Variants in TAF5 observed in about 807,000 individuals in gnomAD.
TAF5 encodes the protein TATA-box binding protein associated factor 5, also known as transcription initiation factor TFIID subunit 5.
Under a neutral mutation model 80.9 loss-of-function variants are expected in TAF5, and 20 were observed. That is an observed-to-expected ratio of 0.25 (90% confidence interval 0.17 to 0.36). TAF5 has a LOEUF of 0.36. TAF5 is among the 10% of genes least tolerant of loss of function. TAF5 has a pLI of 1.00. For synonymous variants in TAF5, 388 were observed against 406.4 expected (o/e 0.95, Z 0.55); for missense variants, 863 against 1,029.4 (o/e 0.84, Z 2.21).
chr10:103,373,646 T>C (rs11191669), intron 2 of TAF5, 51 bp downstream of exon 2: 10 of 1,355,838 alleles, frequency 7.4e-6, no homozygotes, highest in African/African-American at 5.9e-5. Context: ...AGTGTGTGTG[T>C]GTGCGTGCAT....
At chr10:103,372,186 C>T (rs1442785951) in intron 1 of TAF5, among the ~76,000 whole-genome samples, 1 of 151,818 alleles carries the variant, frequency 6.6e-6, no homozygotes, top group Non-Finnish European at 1.5e-5. Flanking sequence ...CTGCCCGCCT[C>T]AGCCTCTCAA....
chr10:103,373,154 C>T lies in TAF5; in HGVS notation c.560-204C>T, dbSNP rs1209822211. Among the ~76,000 whole-genome samples the T allele has an allele frequency of 2.6e-5, 4 of 151,870 alleles. No homozygotes were observed. The East Asian group carries it at 7.8e-4, about 29-fold the overall frequency. On this transcript the variant is annotated intron_variant, in intron 1 of 10. Transcript: ENST00000369839. Reference sequence around the variant, plus strand: ...GGAGGTTGCAGTGAGCCGAGATCTCCCCACCGCCCTCCAGCCTGGCGACAG... The same window carrying T: ...GGAGGTTGCAGTGAGCCGAGATCTCTCCACCGCCCTCCAGCCTGGCGACAG...
At chr10:103,379,269 G>C (rs2093376672) in intron 3 of TAF5, among the ~76,000 whole-genome samples, 1 of 152,182 alleles carries the variant, frequency 6.6e-6, no homozygotes, top group African/African-American at 2.4e-5. Flanking sequence ...AAGGAAGAAG[G>C]GGGAGGACAA....
At chr10:103,384,715 T>C (rs1017837152) in intron 7 of TAF5, among the ~76,000 whole-genome samples, 11 of 152,222 alleles carry the variant, frequency 7.2e-5, no homozygotes, top group Non-Finnish European at 1.2e-4. Flanking sequence ...TTAGGTTTTT[T>C]GTTGCTTGAT....
chr10:103,368,360 A>C lies in TAF5; in HGVS notation c.371A>C (p.Glu124Ala). The change falls in exon 1 of 11, where the codon GAG becomes GCG. Residue 124 changes from glutamate to alanine, a missense_variant. Glu to Ala is a moderately radical substitution (Grantham distance 107). Transcript: ENST00000369839. ...CTGCGCCGTGAGGCCGGGCTGCTGG[A>C]GGAGGCAGTGGCGGGCTCCGGAGCC... ...EALRREAGLLEEAVAGSGAPG... is the reference protein window; with the variant it reads ...EALRREAGLLAEAVAGSGAPG... The C allele has an allele frequency of 1.9e-6, 3 of 1,576,896 alleles. No individual in the cohort carries two copies. The highest frequency in any genetic ancestry group is 2.6e-6 in the Non-Finnish European group (3 of 1,170,304).
At position 103,368,244 on chromosome 10, in the gene TAF5, T is replaced by C. The variant is rs751948176; in HGVS notation, c.255T>C (p.Ala85=). 2 of 1,497,902 alleles carry C rather than the reference T, an allele frequency of 1.3e-6. No homozygotes were observed. Among genetic ancestry groups the C allele is most frequent in the South Asian group, 1.2e-5 (1 of 80,436 alleles). 92.8% of individuals were successfully genotyped at this position (1,497,902 alleles called of 1,614,324 possible). ...GGGCGGCCCCGGTGCCCGCCGCTGCTCCGGACGCCGGCGCTCCGCATGACC... is the reference window on the plus strand; with the variant it reads ...GGGCGGCCCCGGTGCCCGCCGCTGCCCCGGACGCCGGCGCTCCGCATGACC... ...PAGAAPVPAA[A]PDAGAPHDRQ... Residue 85 remains alanine, a synonymous_variant, in exon 1 of 11, where the codon GCT becomes GCC. Coordinates refer to ENST00000369839, the MANE Select transcript of TAF5 (RefSeq NM_006951.5).
intron 1 of TAF5, among the ~76,000 whole-genome samples, chr10:103,368,847 G>A (rs1196915792): frequency 1.3e-5 from 2 of 152,236 alleles, no homozygotes; most frequent in Non-Finnish European, 2.9e-5. Context: ...GGGCTTTTGA[G>A]CCTTGGGCAG....
At chr10:103,386,234 T>C (rs1456296149) in intron 8 of TAF5, among the ~76,000 whole-genome samples, 1 of 151,844 alleles carries the variant, frequency 6.6e-6, no homozygotes, top group Non-Finnish European at 1.5e-5. Flanking sequence ...AGGCCAGAAG[T>C]TCCAGACCAG....
At chr10:103,379,563 T>C in intron 3 of TAF5, 45 bp from the exon 4 acceptor site, 1 of 1,457,918 alleles carries the variant, frequency 6.9e-7, no homozygotes, top group Non-Finnish European at 9.2e-7. Flanking sequence ...ATGGGTATAT[T>C]AATGAATAAA....
Position 103,368,567 on chromosome 10 carries a change from G to GTTGGAA in TAF5, c.559+19_559+20insTTGGAA. 1.4e-6 allele frequency: 2 copies of GTTGGAA among 1,466,208 alleles called. No homozygotes were observed. The highest frequency in any genetic ancestry group is 1.8e-6 in the Non-Finnish European group (2 of 1,117,214). 90.8% of individuals were successfully genotyped at this position (1,466,208 alleles called of 1,614,324 possible). A position where few individuals can be genotyped will look rare whatever the true frequency, so the allele number is the denominator to read the frequency against. On this transcript the variant is annotated intron_variant, in intron 1 of 10. Transcript: ENST00000369839. ...GGTAAAGGTGAGCCGTGGGGTCCCG[G>GTTGGAA]GTAGGTACGGCCGCCGCGAAGGGGA...
intron 7 of TAF5, among the ~76,000 whole-genome samples, chr10:103,383,921 T>A (rs1300239371): frequency 6.6e-6 from 1 of 151,352 alleles, no homozygotes; most frequent in Non-Finnish European, 1.5e-5. Context: ...GTTTCAGGGC[T>A]TACTGGTTTT....
chr10:103,376,814 C>T (rs910693599), intron 2 of TAF5, among the ~76,000 whole-genome samples: 2 of 152,098 alleles, frequency 1.3e-5, no homozygotes, highest in South Asian at 2.1e-4. Context: ...GAAGCCAAGG[C>T]GGGCAGAATG....
chr10:103,370,653 G>T (rs1345252375), intron 1 of TAF5, among the ~76,000 whole-genome samples: 8 of 151,994 alleles, frequency 5.3e-5, no homozygotes, highest in Non-Finnish European at 1.5e-5. Context: ...ATATCTATAT[G>T]TAAAATGTTT....
intron 7 of TAF5, 22 bp from the exon 8 acceptor site, chr10:103,385,304 A>G (rs377468762): frequency 1.0e-5 from 16 of 1,590,094 alleles, no homozygotes; most frequent in Middle Eastern, 1.7e-4. Context: ...GGAGTCAAAT[A>G]TATCACCTTC....
intron 5 of TAF5, among the ~76,000 whole-genome samples, chr10:103,381,497 C>G (rs2093382863): frequency 6.6e-6 from 1 of 152,048 alleles, no homozygotes; most frequent in Non-Finnish European, 1.5e-5. Context: ...GAACTCCTAA[C>G]CTCAGGTGAT....
rs535766681 is a variant in TAF5 at position 103,378,982 on chromosome 10, T to C, written c.1113+432T>C. 6.6e-6 allele frequency among the ~76,000 whole-genome samples: 1 copy of C among 152,316 alleles called. No homozygotes were observed. Among genetic ancestry groups the C allele is most frequent in the South Asian group, 2.1e-4 (1 of 4,826 alleles). ...GCCGCTTGGAAACAATTTTATACTG[T>C]ATATAAAATTTTGTGTTCTAAGGGT... On this transcript the variant is annotated intron_variant, in intron 3 of 10. Transcript: ENST00000369839. The surrounding 1 kb of genome is among the most constrained non-coding windows in gnomAD (Gnocchi z 4.1).
chr10:103,371,159 C>T (rs1392102575), intron 1 of TAF5, among the ~76,000 whole-genome samples: 3 of 151,018 alleles, frequency 2.0e-5, no homozygotes, highest in African/African-American at 7.3e-5. Flanking sequence ...AGGTGAACCA[C>T]TTTAACCCAG....
At chr10:103,370,492 A>T (rs1221055208) in intron 1 of TAF5, among the ~76,000 whole-genome samples, 1 of 150,752 alleles carries the variant, frequency 6.6e-6, no homozygotes, top group Non-Finnish European at 1.5e-5. Context: ...TGCCTGGCTA[A>T]TTTTTTTTGT....
Position 103,387,185 on chromosome 10 carries a change from A to G in TAF5, c.1840A>G (p.Thr614Ala), listed in dbSNP as rs774571260. 1 of 1,613,482 alleles carries G rather than the reference A, an allele frequency of 6.2e-7. No individual in the cohort carries two copies. The highest frequency in any genetic ancestry group is 8.5e-7 in the Non-Finnish European group (1 of 1,179,636). Residue 614 changes from threonine to alanine, a missense_variant, in exon 9 of 11, where the codon ACA becomes GCA. Thr to Ala is a moderately conservative substitution (Grantham distance 58, BLOSUM62 0). Transcript: ENST00000369839. The stretch of plus-strand genomic sequence containing the variant: ...ATAACTTTATAAAAGGCTCTGGGCT[A>G]CAGACCACTATCAGCCTTTAAGAAT... ...GHDRVARLWA[T>A]DHYQPLRIFA...
Sources: allele counts gnomAD v4.1 joint callset (sites outside exome capture counted in the v4.1 genomes callset), GRCh38; gene constraint gnomAD v4.1.1; non-coding constraint Gnocchi (gnomAD v3.1); transcripts MANE v1.5; gene names NCBI Gene and HGNC (gene_info 2026-07-23, HGNC 2026-07-21).